RUNX1: variants seen among roughly 807,000 people sequenced by gnomAD.
The protein encoded by RUNX1 is runt-related transcription factor 1.
A neutral mutation model predicts 42.8 loss-of-function variants in RUNX1; 19 were observed. The observed-to-expected ratio is 0.44, with a 90% confidence interval of 0.31 to 0.65. The LOEUF (loss-of-function observed/expected upper bound fraction) is 0.65, where lower values mean the gene tolerates loss of function less well. RUNX1 is among the 30% of genes least tolerant of loss of function. RUNX1 has a pLI of 0.07. For synonymous variants in RUNX1, 271 were observed against 289.4 expected (o/e 0.94, Z 0.64); for missense variants, 528 against 672.0 (o/e 0.79, Z 2.37).
In RUNX1 at chr21:34,881,671, T is replaced by C. The variant is rs547794910; in HGVS notation, c.352-958A>G. 4.6e-5 allele frequency among the ~76,000 whole-genome samples: 7 copies of C among 152,358 alleles called. No individual in the cohort carries two copies. In the East Asian group the frequency reaches 1.3e-3, roughly 29 times the overall value. ...TTTATTTAATGTAACTGAGTAAGTA[T>C]GAAGTCTTATCAGGGCTATTGGAGA... is the stretch of plus-strand genomic sequence containing the variant. On this transcript the variant is annotated intron_variant, in intron 4 of 8. Transcript: ENST00000675419.
intron 2 of RUNX1, among the ~76,000 whole-genome samples, chr21:34,922,497 T>G (rs1601573677): frequency 6.6e-6 from 1 of 152,198 alleles, no homozygotes; most frequent in East Asian, 1.9e-4. Flanking sequence ...AGCTCTTAAC[T>G]ACTCTGTTAC....
intron 7 of RUNX1, among the ~76,000 whole-genome samples, chr21:34,822,870 C>G (rs2056928859): frequency 6.6e-6 from 1 of 152,218 alleles, no homozygotes; most frequent in African/African-American, 2.4e-5. Flanking sequence ...TCGTGTCCCT[C>G]ATGTGACCTG....
intron 2 of RUNX1, among the ~76,000 whole-genome samples, chr21:34,983,985 C>T: frequency 6.6e-6 from 1 of 152,106 alleles, no homozygotes; most frequent in East Asian, 1.9e-4. Context: ...ATATTTGCCT[C>T]AAGGTTCCTC....
chr21:34,803,870 A>T (rs895042948), intron 7 of RUNX1, among the ~76,000 whole-genome samples: 7 of 152,222 alleles, frequency 4.6e-5, no homozygotes, highest in African/African-American at 1.7e-4. Flanking sequence ...CAGCAATATT[A>T]AAATGTCTCT....
intron 3 of RUNX1, chr21:34,887,679 C>A: frequency 9.3e-7 from 1 of 1,073,174 alleles, no homozygotes; most frequent in Non-Finnish European, 1.1e-6. Context: ...GGTAGTGCTA[C>A]TAATGTATGT....
intron 6 of RUNX1, among the ~76,000 whole-genome samples, chr21:34,854,089 C>T (rs997721378): frequency 6.6e-5 from 10 of 152,206 alleles, no homozygotes; most frequent in Non-Finnish European, 1.2e-4. Flanking sequence ...GCTGGGATTA[C>T]AGGCGGGAGC....
At chr21:34,999,249 C>T (rs146501702) in intron 2 of RUNX1, among the ~76,000 whole-genome samples, 43 of 152,312 alleles carry the variant, frequency 2.8e-4, no homozygotes, top group Non-Finnish European at 4.7e-4. Flanking sequence ...GATGGGAGGC[C>T]GTGGCTCCAG....
At chr21:34,888,007 G>A in intron 3 of RUNX1, 1 of 1,066,208 alleles carries the variant, frequency 9.4e-7, no homozygotes, top group Non-Finnish European at 1.1e-6. Context: ...CCACATCTGT[G>A]AACTCGGGTT....
intron 5 of RUNX1, among the ~76,000 whole-genome samples, chr21:34,872,058 G>A (rs2057745717): frequency 6.6e-6 from 1 of 152,048 alleles, no homozygotes; most frequent in Non-Finnish European, 1.5e-5. Context: ...TGGCCAAGCT[G>A]GTCTCAAACT....
chr21:35,037,678 C>T (rs762962929), intron 2 of RUNX1, among the ~76,000 whole-genome samples: 7 of 152,204 alleles, frequency 4.6e-5, no homozygotes, highest in Non-Finnish European at 7.4e-5. Flanking sequence ...GTAACCTTGG[C>T]AGGCCATGCT....
chr21:34,962,792 T>C (rs751361873), intron 2 of RUNX1, among the ~76,000 whole-genome samples: 2 of 152,216 alleles, frequency 1.3e-5, no homozygotes, highest in Non-Finnish European at 2.9e-5. Context: ...GAGAAGCAAA[T>C]GAGTAGGTTG....
chr21:34,796,139 A>G (rs1463451677), intron 8 of RUNX1, among the ~76,000 whole-genome samples: 1 of 152,186 alleles, frequency 6.6e-6, no homozygotes, highest in East Asian at 1.9e-4. Flanking sequence ...GAATGATGTT[A>G]TGGTCTCAGC....
At position 34,834,426 on chromosome 21, in the gene RUNX1, A is replaced by C. The variant is rs1334740206; in HGVS notation, c.789T>G (p.Pro263=). Residue 263 remains proline (P), a synonymous_variant, in exon 7 of 9, where the codon CCT becomes CCG. Coordinates refer to ENST00000675419, the MANE Select transcript of RUNX1 (RefSeq NM_001754.5). ...LNHSTAFNPQ[P]QSQMQDTRQI... ...GGTACTTACCCTGCATCTGACTCTG[A>C]GGCTGAGGGTTAAAGGCAGTGGAGT... is the stretch of plus-strand genomic sequence containing the variant. The C allele has an allele frequency of 6.2e-7, 1 of 1,608,136 alleles. No homozygotes were observed.
At chr21:34,836,178 G>A (rs1394975778) in intron 6 of RUNX1, among the ~76,000 whole-genome samples, 2 of 152,188 alleles carry the variant, frequency 1.3e-5, no homozygotes, top group Non-Finnish European at 2.9e-5. Context: ...AGGCAAATCT[G>A]GACTCTGATT....
intron 3 of RUNX1, chr21:34,887,750 T>C (rs1569085487): frequency 9.4e-7 from 1 of 1,061,090 alleles, no homozygotes; most frequent in Non-Finnish European, 1.1e-6. Context: ...ATACAATCTG[T>C]GGAGAATTTA....
intron 7 of RUNX1, among the ~76,000 whole-genome samples, chr21:34,816,776 G>A (rs1024768245): frequency 3.9e-5 from 6 of 152,160 alleles, no homozygotes; most frequent in African/African-American, 1.4e-4. Context: ...GGTGTTCAGA[G>A]ATCAAGCAGG....
chr21:34,977,283 G>C (rs776917176), intron 2 of RUNX1, among the ~76,000 whole-genome samples: 3 of 152,200 alleles, frequency 2.0e-5, no homozygotes, highest in African/African-American at 7.2e-5. Flanking sequence ...TTCTGAAGAA[G>C]GGAATTTTGA....
chr21:34,885,565 T>C (rs1256091490), intron 4 of RUNX1, among the ~76,000 whole-genome samples: 2 of 152,312 alleles, frequency 1.3e-5, no homozygotes, highest in East Asian at 3.9e-4. Flanking sequence ...CAACTGCAAA[T>C]TTCGTTTTGT....
At chr21:34,937,997 G>A (rs1221747564) in intron 2 of RUNX1, among the ~76,000 whole-genome samples, 2 of 152,076 alleles carry the variant, frequency 1.3e-5, no homozygotes, top group Non-Finnish European at 2.9e-5. Context: ...TGAGGGCTTC[G>A]ATAATGCAGG....
Sources: allele counts gnomAD v4.1 joint callset (sites outside exome capture counted in the v4.1 genomes callset), GRCh38; gene constraint gnomAD v4.1.1; transcripts MANE v1.5; gene names NCBI Gene and HGNC (gene_info 2026-07-23, HGNC 2026-07-21).